RBL1: variants seen among roughly 807,000 people sequenced by gnomAD.
RBL1 encodes RB transcriptional corepressor like 1, also known as retinoblastoma-like protein 1.
In RBL1, 82 loss-of-function variants were observed where a neutral mutation model predicts 123.0. The observed-to-expected ratio is 0.67, with a 90% CI of 0.56 to 0.80. The LOEUF (loss-of-function observed/expected upper bound fraction) is 0.80, where lower values mean the gene tolerates loss of function less well. Ranked by LOEUF, RBL1 falls within the 30% of genes least tolerant of loss-of-function variation. RBL1 has a pLI of 0.00. For synonymous variants in RBL1, 405 were observed against 441.3 expected (o/e 0.92, Z 1.03); for missense variants, 1,171 against 1,299.6 (o/e 0.90, Z 1.52).
At chr20:37,073,276 T>A (rs539529535) in intron 2 of RBL1, among the ~76,000 whole-genome samples, 80 of 152,266 alleles carry the variant, frequency 5.3e-4, no homozygotes, top group African/African-American at 1.8e-3. Context: ...ACAAAATGCA[T>A]CAGGGTGTTT....
At chr20:37,025,985 C>T (rs1024941024) in intron 16 of RBL1, among the ~76,000 whole-genome samples, 11 of 151,954 alleles carry the variant, frequency 7.2e-5, no homozygotes, top group African/African-American at 2.4e-4. Flanking sequence ...CCTCATGATC[C>T]GCCCGTCTTG....
At chr20:37,006,017 T>A (rs1427770810) in intron 20 of RBL1, among the ~76,000 whole-genome samples, 1 of 150,868 alleles carries the variant, frequency 6.6e-6, no homozygotes, top group African/African-American at 2.4e-5. Flanking sequence ...TACCTTAGCT[T>A]GCTGAGTAGT....
chr20:37,000,720 C>G (rs1382651063), intron 21 of RBL1, among the ~76,000 whole-genome samples: 4 of 72,282 alleles, frequency 5.5e-5, no homozygotes, highest in Admixed American at 1.4e-4. Context: ...GGGAGGGAGG[C>G]GGGGAGGTCA....
intron 2 of RBL1, among the ~76,000 whole-genome samples, chr20:37,085,898 C>G (rs1368132071): frequency 6.6e-6 from 1 of 152,040 alleles, no homozygotes; most frequent in East Asian, 1.9e-4. Flanking sequence ...ATCCACCCGG[C>G]TTGGTCTCCC....
intron 14 of RBL1, among the ~76,000 whole-genome samples, chr20:37,039,827 T>G (rs2064690860): frequency 6.6e-6 from 1 of 152,122 alleles, no homozygotes; most frequent in Non-Finnish European, 1.5e-5. Context: ...TGCCTCAGCC[T>G]TCTGAGTAGC....
chr20:37,062,939 G>A (rs1284175987), intron 7 of RBL1, among the ~76,000 whole-genome samples: 4 of 150,302 alleles, frequency 2.7e-5, no homozygotes, highest in East Asian at 2.0e-4. Flanking sequence ...CTGAGATCGC[G>A]CCACTGCACT....
intron 7 of RBL1, among the ~76,000 whole-genome samples, chr20:37,065,214 T>TG (rs2065159493): frequency 6.6e-6 from 1 of 152,208 alleles, no homozygotes; most frequent in South Asian, 2.1e-4. Flanking sequence ...TTTACAGGTG[T>TG]GGGCCACCGT....
rs769130825 is a variant in RBL1 at position 37,062,139 on chromosome 20, C to T, written c.1028G>A (p.Gly343Glu). Residue 343 changes from glycine (G) to glutamate (E), a missense_variant, in exon 8 of 22, where the codon GGG (glycine) becomes GAG (glutamate). Physicochemically the swap from Gly to Glu is moderately conservative, Grantham distance 98 (BLOSUM62 -2). Coordinates refer to ENST00000373664, the MANE Select transcript of RBL1 (RefSeq NM_002895.5). ...CACATTAGCCTGTGCTGTCAGTTTCCCTAATGGGGTGTCACGAGTGAACTT... is the reference window on the plus strand; with the variant it reads ...CACATTAGCCTGTGCTGTCAGTTTCTCTAATGGGGTGTCACGAGTGAACTT... Reference protein sequence around the residue: ...PRKFTRDTPLGKLTAQANVEY... With the variant: ...PRKFTRDTPLEKLTAQANVEY... The T allele has an allele frequency of 5.6e-6, 9 of 1,614,090 alleles. No individual in the cohort carries two copies. In the East Asian group the frequency reaches 1.3e-4, roughly 24 times the overall value.
chr20:37,093,966 A>G (rs138382455), intron 1 of RBL1, among the ~76,000 whole-genome samples: 208 of 152,236 alleles, frequency 1.4e-3, no homozygotes, highest in African/African-American at 4.8e-3. Flanking sequence ...TAAGGAAGAA[A>G]AAAAGAAAGA....
intron 15 of RBL1, among the ~76,000 whole-genome samples, chr20:37,033,524 A>G (rs914248315): frequency 4.7e-5 from 7 of 149,822 alleles, no homozygotes; most frequent in Admixed American, 4.0e-4. Context: ...CATGTTGCCC[A>G]GGTTAGTCTC....
intron 21 of RBL1, among the ~76,000 whole-genome samples, chr20:37,001,811 A>G (rs2063985525): frequency 6.6e-6 from 1 of 150,692 alleles, no homozygotes; most frequent in African/African-American, 2.4e-5. Context: ...CCATTATGCA[A>G]GAGTCCTATG....
chr20:37,073,705 GAAAAAA>G (rs796752326), intron 2 of RBL1, among the ~76,000 whole-genome samples: 1 of 103,140 alleles, frequency 9.7e-6, no homozygotes, highest in Non-Finnish European at 1.8e-5. Context: ...CTCAAAAAAA[GAAAAAA>G]AAAAAAAAAA....
chr20:37,001,936 A>C (rs867677094), intron 21 of RBL1, among the ~76,000 whole-genome samples: 12 of 151,208 alleles, frequency 7.9e-5, no homozygotes, highest in African/African-American at 1.2e-4. Flanking sequence ...AAAAAAAAAA[A>C]AAAAAACAAA....
chr20:37,005,877 CTTTTTTTT>C (rs1240843484), intron 20 of RBL1, among the ~76,000 whole-genome samples: 13 of 106,340 alleles, frequency 1.2e-4, no homozygotes, highest in African/African-American at 5.6e-4. Flanking sequence ...GCCTTCTTTT[CTTTTTTTT>C]TTTTCTTTCT....
chr20:37,073,788 G>A (rs2065320319), intron 2 of RBL1, among the ~76,000 whole-genome samples: 1 of 151,870 alleles, frequency 6.6e-6, no homozygotes, highest in African/African-American at 2.4e-5. Context: ...GGAGTCTTAG[G>A]TGGGAGGACT....
At chr20:37,065,998 C>T (rs1223739900) in intron 6 of RBL1, among the ~76,000 whole-genome samples, 1 of 152,024 alleles carries the variant, frequency 6.6e-6, no homozygotes, top group Non-Finnish European at 1.5e-5. Flanking sequence ...CTGAGGAACA[C>T]AAGACTGAAT....
intron 2 of RBL1, among the ~76,000 whole-genome samples, chr20:37,073,020 T>C (rs1167816482): frequency 2.0e-5 from 3 of 152,168 alleles, no homozygotes; most frequent in African/African-American, 7.2e-5. Context: ...GGCATGATTG[T>C]GGCTCACTGC....
chr20:37,091,428 G>A (rs937832716), intron 1 of RBL1, among the ~76,000 whole-genome samples: 2 of 151,962 alleles, frequency 1.3e-5, no homozygotes, highest in African/African-American at 4.8e-5. Flanking sequence ...CAGCACTTTG[G>A]GAGGCTGAGG....
rs1464560304 is a variant in RBL1 at position 37,070,482 on chromosome 20, T to TA, written c.291-2297_291-2296insT. On this transcript the variant is annotated intron_variant, in intron 2 of 21. Transcript: ENST00000373664. The stretch of plus-strand genomic sequence containing the variant: ...AATTATCAATAAAAAATAAATAAAT[T>TA]TAAAAAAAAAAACATAAAATAAAAT... 3.2e-4 allele frequency among the ~76,000 whole-genome samples: 48 copies of TA among 148,488 alleles called. No homozygotes were observed. The East Asian group carries it at 7.6e-3, about 24-fold the overall frequency.
Sources: allele counts gnomAD v4.1 joint callset (sites outside exome capture counted in the v4.1 genomes callset), GRCh38; gene constraint gnomAD v4.1.1; transcripts MANE v1.5; gene names NCBI Gene and HGNC (gene_info 2026-07-23, HGNC 2026-07-21).